MITF: variants seen among roughly 807,000 people sequenced by gnomAD.
The protein encoded by MITF is melanocyte inducing transcription factor.
In MITF, 17 loss-of-function variants were observed where a neutral mutation model predicts 60.5. The observed-to-expected ratio is 0.28, with a 90% CI of 0.19 to 0.42. The LOEUF (loss-of-function observed/expected upper bound fraction) is 0.42. Among genes scored for constraint, MITF ranks in the 10% least tolerant of loss-of-function variants. The pLI is 1.00. For synonymous variants in MITF, 260 were observed against 248.5 expected (o/e 1.05, Z -0.43); for missense variants, 622 against 683.5 (o/e 0.91, Z 1.00).
At chr3:69,795,301 G>C (rs1454981910) in intron 1 of MITF, among the ~76,000 whole-genome samples, 1 of 151,942 alleles carries the variant, frequency 6.6e-6, no homozygotes, top group African/African-American at 2.4e-5. Context: ...ATTAATATTT[G>C]CCTCTTTTTA....
chr3:69,741,179 TTG>T (rs911527526), intron 1 of MITF, among the ~76,000 whole-genome samples: 4 of 152,058 alleles, frequency 2.6e-5, no homozygotes, highest in African/African-American at 9.7e-5. Flanking sequence ...TGAGCATAGA[TTG>T]TGTGTGTTGG....
At chr3:69,939,286 G>GTT (rs373274886) in intron 4 of MITF, 105 bp downstream of exon 4, 3,805 of 741,820 alleles carry the variant, frequency 5.1e-3, no homozygotes, top group South Asian at 6.9e-3. Flanking sequence ...TTCCCCCATT[G>GTT]TTTTTTTTTT....
At chr3:69,768,914 TA>T (rs2062345368) in intron 1 of MITF, among the ~76,000 whole-genome samples, 1 of 152,196 alleles carries the variant, frequency 6.6e-6, no homozygotes, top group African/African-American at 2.4e-5. Flanking sequence ...GCAGCTGATG[TA>T]GGTGGGGAGG....
At chr3:69,776,448 A>G (rs2062474100) in intron 1 of MITF, among the ~76,000 whole-genome samples, 2 of 152,190 alleles carry the variant, frequency 1.3e-5, no homozygotes, top group South Asian at 4.1e-4. Flanking sequence ...GTTACTTGAC[A>G]TTTGCGTGTT....
At chr3:69,743,124 A>G (rs1703592293) in intron 1 of MITF, among the ~76,000 whole-genome samples, 1 of 152,126 alleles carries the variant, frequency 6.6e-6, no homozygotes, top group South Asian at 2.1e-4. Flanking sequence ...GGAGGGTCCT[A>G]TGCATTGCAG....
intron 1 of MITF, among the ~76,000 whole-genome samples, chr3:69,850,196 G>C (rs1054965023): frequency 1.1e-4 from 16 of 152,306 alleles, no homozygotes; most frequent in African/African-American, 3.8e-4. Flanking sequence ...GATATAATAG[G>C]ATAATATTTT....
At chr3:69,889,026 T>TTG (rs2064694187) in intron 2 of MITF, among the ~76,000 whole-genome samples, 1 of 69,070 alleles carries the variant, frequency 1.4e-5, no homozygotes, top group East Asian at 5.9e-4. Context: ...TAGCCTTTGG[T>TTG]TTTTTTTTTT....
chr3:69,861,046 C>A (rs527665548), intron 1 of MITF, among the ~76,000 whole-genome samples: 1 of 152,128 alleles, frequency 6.6e-6, no homozygotes, highest in Non-Finnish European at 1.5e-5. Context: ...AAATTAGAGC[C>A]GCTGGACCAG....
At chr3:69,915,270 C>T (rs2065309242) in intron 2 of MITF, among the ~76,000 whole-genome samples, 1 of 152,040 alleles carries the variant, frequency 6.6e-6, no homozygotes. Flanking sequence ...CAGTGATTTC[C>T]AATGGGAAGA....
intron 2 of MITF, among the ~76,000 whole-genome samples, chr3:69,916,421 T>G (rs964490063): frequency 1.3e-5 from 2 of 152,186 alleles, no homozygotes; most frequent in African/African-American, 4.8e-5. Context: ...CCTTGAGTCT[T>G]TAATAATAAA....
chr3:69,831,161 G>T (rs1298069349), intron 1 of MITF, among the ~76,000 whole-genome samples: 1 of 152,206 alleles, frequency 6.6e-6, no homozygotes, highest in African/African-American at 2.4e-5. Flanking sequence ...TGCTGTTGAA[G>T]ATGTAAGTAT....
intron 1 of MITF, among the ~76,000 whole-genome samples, chr3:69,747,062 T>G (rs1420230479): frequency 6.6e-6 from 1 of 152,066 alleles, no homozygotes; most frequent in Non-Finnish European, 1.5e-5. Context: ...GGATTCAGAG[T>G]GATGAAGCTT....
intron 1 of MITF, among the ~76,000 whole-genome samples, chr3:69,852,833 C>A (rs1040305163): frequency 6.6e-6 from 1 of 152,136 alleles, no homozygotes; most frequent in Non-Finnish European, 1.5e-5. Flanking sequence ...TAATACATCT[C>A]CCTTTCATTT....
intron 1 of MITF, among the ~76,000 whole-genome samples, chr3:69,745,547 A>G (rs13314769): frequency 0.012 from 1,899 of 152,318 alleles, 33 homozygotes; most frequent in African/African-American, 0.044. Context: ...GTTTCTCTAC[A>G]CTAAGTAAAA....
At chr3:69,937,063 ATGT>A (rs2065854494) in intron 2 of MITF, 2 of 270,872 alleles carry the variant, frequency 7.4e-6, no homozygotes, top group Admixed American at 5.0e-5. Flanking sequence ...AAATTGAATA[ATGT>A]TGTTTTTTGG....
chr3:69,800,537 G>C (rs2062902396), intron 1 of MITF, among the ~76,000 whole-genome samples: 1 of 152,154 alleles, frequency 6.6e-6, no homozygotes, highest in South Asian at 2.1e-4. Flanking sequence ...CTGCCATGCT[G>C]TTCTTACAGC....
rs769972649 is a variant in MITF at position 69,964,863 on chromosome 3, C to T, written c.1196C>T (p.Ala399Val). Residue 399 changes from alanine (A) to valine (V), a missense_variant, in exon 10 of 10, where the codon GCT becomes GTT. Physicochemically the swap from Ala to Val is moderately conservative, Grantham distance 64. Transcript: ENST00000352241. Reference protein sequence around the residue: ...LLRIQELEMQARAHGLSLIPS... With the variant: ...LLRIQELEMQVRAHGLSLIPS... ...TTATTATAGGAACTTGAAATGCAGG[C>T]TCGAGCTCATGGACTTTCCCTTATT... 3 of 1,614,050 alleles carry T rather than the reference C, an allele frequency of 1.9e-6. No individual in the cohort carries two copies. Among genetic ancestry groups the T allele is most frequent in the East Asian group, 4.5e-5 (2 of 44,856 alleles).
At chr3:69,936,958 T>G (rs931600222) in intron 2 of MITF, 1 of 510,492 alleles carries the variant, frequency 2.0e-6, no homozygotes, top group African/African-American at 2.0e-5. Context: ...TTTTTTTTTT[T>G]TTTTTTTGGC....
At chr3:69,823,546 C>T (rs74945202) in intron 1 of MITF, among the ~76,000 whole-genome samples, 23,497 of 152,164 alleles carry the variant, frequency 0.15, 2,113 homozygotes, top group Non-Finnish European at 0.21. Flanking sequence ...AATTACCTCC[C>T]AAAGGCCCCA....
Sources: allele counts gnomAD v4.1 joint callset (sites outside exome capture counted in the v4.1 genomes callset), GRCh38; gene constraint gnomAD v4.1.1; transcripts MANE v1.5; gene names NCBI Gene and HGNC (gene_info 2026-07-23, HGNC 2026-07-21).